RIT2: variants seen among roughly 807,000 people sequenced by gnomAD.
The protein encoded by RIT2 is GTP-binding protein Rit2.
Under a neutral mutation model 23.7 loss-of-function variants are expected in RIT2, and 24 were observed. The observed-to-expected ratio is 1.01, with a 90% CI of 0.73 to 1.43. The LOEUF (loss-of-function observed/expected upper bound fraction) is 1.43. Ranked by LOEUF, RIT2 falls within the 40% of genes most tolerant of loss-of-function variation. RIT2 has a pLI of 0.00. For missense variants in RIT2, 236 were observed against 266.9 expected, an observed-to-expected ratio of 0.88 and a Z score of 0.81; for synonymous variants, 107 against 91.1, an observed-to-expected ratio of 1.17 and a Z score of -0.99.
At chr18:42,858,998 T>C (rs1907258852) in intron 4 of RIT2, among the ~76,000 whole-genome samples, 1 of 152,206 alleles carries the variant, frequency 6.6e-6, no homozygotes, top group Non-Finnish European at 1.5e-5. Context: ...GTATTATAAA[T>C]TGTACTGGTA....
At chr18:42,791,287 A>G (rs1283772206) in intron 4 of RIT2, among the ~76,000 whole-genome samples, 2 of 152,294 alleles carry the variant, frequency 1.3e-5, no homozygotes, top group African/African-American at 2.4e-5. Context: ...GCCTTGACCA[A>G]ATTAGATATG....
rs560320113 is a variant in RIT2, at chr18:42,806,965, A to G, written c.427-63245T>C. ...TATTCTCTGAAGGAAATAACTTTTTATCATGGTAACTTTAAAGAATTACTG... is the reference window on the plus strand; with the variant it reads ...TATTCTCTGAAGGAAATAACTTTTTGTCATGGTAACTTTAAAGAATTACTG... On this transcript the variant is annotated intron_variant, in intron 4 of 4. Transcript: ENST00000326695. 2.0e-5 allele frequency among the ~76,000 whole-genome samples: 3 copies of G among 152,350 alleles called. No individual in the cohort carries two copies. In the South Asian group the frequency reaches 6.2e-4, roughly 32 times the overall value.
intron 1 of RIT2, among the ~76,000 whole-genome samples, chr18:43,085,599 C>T (rs1913264794): frequency 6.6e-6 from 1 of 152,014 alleles, no homozygotes; most frequent in South Asian, 2.1e-4. Flanking sequence ...TAGTATTTGT[C>T]TTTCTGTGTT....
intron 3 of RIT2, among the ~76,000 whole-genome samples, chr18:42,936,389 AC>A (rs1488859870): frequency 6.6e-6 from 1 of 152,142 alleles, no homozygotes; most frequent in African/African-American, 2.4e-5. Context: ...CTTTCATCAC[AC>A]TGGACAATGT....
At chr18:42,936,951 GC>G (rs1333634331) in intron 3 of RIT2, among the ~76,000 whole-genome samples, 3 of 151,546 alleles carry the variant, frequency 2.0e-5, no homozygotes, top group East Asian at 3.9e-4. Context: ...GGCAGAGCTT[GC>G]AGTGAGCCGA....
intron 3 of RIT2, among the ~76,000 whole-genome samples, chr18:42,930,178 A>T (rs1442343960): frequency 3.9e-5 from 6 of 152,046 alleles, no homozygotes; most frequent in Non-Finnish European, 8.8e-5. Context: ...AACTCAGGAG[A>T]TTTTTGTCAG....
chr18:42,856,825 C>CT (rs760595125), intron 4 of RIT2, among the ~76,000 whole-genome samples: 19 of 128,008 alleles, frequency 1.5e-4, no homozygotes, highest in African/African-American at 4.2e-4. Flanking sequence ...TTCTCTCTCT[C>CT]TCTTTTTTTT....
At chr18:42,993,678 A>T (rs531574948) in intron 2 of RIT2, among the ~76,000 whole-genome samples, 9 of 151,900 alleles carry the variant, frequency 5.9e-5, no homozygotes, top group Non-Finnish European at 1.2e-4. Context: ...TTCCCTGACT[A>T]TTCCTGGGCT....
intron 1 of RIT2, among the ~76,000 whole-genome samples, chr18:43,104,063 G>C (rs1256154450): frequency 6.6e-6 from 1 of 152,070 alleles, no homozygotes; most frequent in African/African-American, 2.4e-5. Context: ...AATGGATAAA[G>C]GAAATGTCAT....
At chr18:42,965,114 G>A (rs1418692189) in intron 3 of RIT2, among the ~76,000 whole-genome samples, 1 of 152,160 alleles carries the variant, frequency 6.6e-6, no homozygotes, top group Non-Finnish European at 1.5e-5. Flanking sequence ...GTTTGAATCT[G>A]TCATAGCTAT....
intron 1 of RIT2, among the ~76,000 whole-genome samples, chr18:43,067,892 T>C (rs1474512635): frequency 6.6e-6 from 1 of 151,988 alleles, no homozygotes; most frequent in Non-Finnish European, 1.5e-5. Context: ...TTCATTCAGA[T>C]GGTTGGAAAG....
At chr18:43,029,431 A>C (rs1306097240) in intron 2 of RIT2, among the ~76,000 whole-genome samples, 3 of 152,062 alleles carry the variant, frequency 2.0e-5, no homozygotes, top group Non-Finnish European at 4.4e-5. Context: ...CTGATTGCTC[A>C]GTTGTTAAAG....
intron 4 of RIT2, among the ~76,000 whole-genome samples, chr18:42,783,355 G>A (rs764394262): frequency 1.3e-5 from 2 of 151,948 alleles, no homozygotes; most frequent in African/African-American, 4.8e-5. Context: ...AGCTATGGGA[G>A]AAATAATGAG....
At chr18:42,911,759 A>G (rs925222087) in intron 4 of RIT2, among the ~76,000 whole-genome samples, 2 of 152,042 alleles carry the variant, frequency 1.3e-5, no homozygotes, top group Admixed American at 6.6e-5. Flanking sequence ...GATAAATGGA[A>G]TAGTTCTATA....
At chr18:42,887,843 T>C (rs144497944) in intron 4 of RIT2, among the ~76,000 whole-genome samples, 201 of 152,278 alleles carry the variant, frequency 1.3e-3, no homozygotes, top group African/African-American at 4.7e-3. Flanking sequence ...AAATGAGCTA[T>C]TAAGTTGTCA....
At chr18:42,876,196 T>C (rs1298558645) in intron 4 of RIT2, among the ~76,000 whole-genome samples, 3 of 151,958 alleles carry the variant, frequency 2.0e-5, no homozygotes, top group Non-Finnish European at 4.4e-5. Flanking sequence ...AAATTAGATC[T>C]CAAAGAAGTG....
chr18:43,103,800 T>G (rs914694974), intron 1 of RIT2, among the ~76,000 whole-genome samples: 2 of 152,204 alleles, frequency 1.3e-5, no homozygotes, highest in Non-Finnish European at 2.9e-5. Flanking sequence ...TGGAATAAAG[T>G]AAGATATCTT....
At chr18:42,963,908 C>T (rs1047544079) in intron 3 of RIT2, among the ~76,000 whole-genome samples, 3 of 150,768 alleles carry the variant, frequency 2.0e-5, no homozygotes, top group Non-Finnish European at 3.0e-5. Flanking sequence ...AAAATAATAA[C>T]AGGCTGGGCA....
At chr18:42,874,550 A>G (rs985516746) in intron 4 of RIT2, among the ~76,000 whole-genome samples, 2 of 152,126 alleles carry the variant, frequency 1.3e-5, no homozygotes, top group Non-Finnish European at 2.9e-5. Flanking sequence ...GAATTGGCCA[A>G]TGCTTAATTT....
Sources: allele counts gnomAD v4.1 joint callset (sites outside exome capture counted in the v4.1 genomes callset), GRCh38; gene constraint gnomAD v4.1.1; transcripts MANE v1.5; gene names NCBI Gene and HGNC (gene_info 2026-07-23, HGNC 2026-07-21).